ARHGAP29: variants seen among roughly 807,000 people sequenced by gnomAD.
ARHGAP29 encodes rho GTPase-activating protein 29.
Under a neutral mutation model 122.6 loss-of-function variants are expected in ARHGAP29, and 43 were observed. That is an observed-to-expected ratio of 0.35 (90% CI 0.27 to 0.45). The LOEUF (loss-of-function observed/expected upper bound fraction) is 0.45, where lower values mean the gene tolerates loss of function less well. Among genes scored for constraint, ARHGAP29 ranks in the 20% least tolerant of loss-of-function variants. The pLI, the probability that ARHGAP29 is intolerant of heterozygous loss-of-function variation, is 1.00. For synonymous variants in ARHGAP29, 506 were observed against 497.1 expected (o/e 1.02, Z -0.24); for missense variants, 1,303 against 1,477.2 (o/e 0.88, Z 1.93).
chr1:94,296,496 A>G, the ARHGAP29 span, among the ~76,000 whole-genome samples: 3 of 152,230 alleles, frequency 2.0e-5, no homozygotes, highest in Non-Finnish European at 4.4e-5. Flanking sequence ...CATAGTATAT[A>G]TAGGGTTTAA....
the ARHGAP29 span, among the ~76,000 whole-genome samples, chr1:94,287,965 GTGTACA>G: frequency 6.6e-6 from 1 of 152,150 alleles, no homozygotes; most frequent in East Asian, 1.9e-4. Flanking sequence ...ATAAACATGC[GTGTACA>G]TGTGCCTTTA....
chr1:94,200,681 C>T (rs1418267022), intron 12 of ARHGAP29, among the ~76,000 whole-genome samples: 1 of 152,174 alleles, frequency 6.6e-6, no homozygotes, highest in Non-Finnish European at 1.5e-5. Context: ...GTAGTACAGT[C>T]ATACAATGGA....
the ARHGAP29 span, among the ~76,000 whole-genome samples, chr1:94,304,132 C>A: frequency 2.0e-5 from 3 of 152,262 alleles, no homozygotes; most frequent in East Asian, 5.8e-4. Flanking sequence ...TGAAACTCTA[C>A]CCACCTTTTT....
At chr1:94,241,654 C>G (rs1349571823), upstream of ARHGAP29, among the ~76,000 whole-genome samples, 1 of 127,560 alleles carries the variant, frequency 7.8e-6, no homozygotes, top group East Asian at 2.2e-4. Flanking sequence ...ATATATATAT[C>G]TTATATATAT....
rs554535161 is a variant in ARHGAP29, at chr1:94,201,589, C to A, written c.1281+131G>T. The A allele has an allele frequency of 1.5e-4, 138 of 930,970 alleles. 2 individuals carry two copies. In the South Asian group the frequency reaches 2.0e-3, roughly 13 times the overall value. 57.7% of individuals were successfully genotyped at this position (930,970 alleles called of 1,614,324 possible). On this transcript the variant is annotated intron_variant, in intron 12 of 22. Coordinates refer to ENST00000260526, the MANE Select transcript of ARHGAP29 (RefSeq NM_004815.4). ...TAATCATAATCGAAGCTCACTATAA[C>A]CTCAAACTTTTGGGCTCAAGTGATC... is the stretch of plus-strand genomic sequence containing the variant.
intron 1 of ARHGAP29, among the ~76,000 whole-genome samples, chr1:94,251,549 C>T (rs1654094496): frequency 6.6e-6 from 1 of 152,196 alleles, no homozygotes; most frequent in Non-Finnish European, 1.5e-5. Context: ...TTTGACCATA[C>T]TTCTCTTAGA....
At chr1:94,233,385 C>T (rs1328746142) in intron 1 of ARHGAP29, among the ~76,000 whole-genome samples, 1 of 130,740 alleles carries the variant, frequency 7.6e-6, no homozygotes, top group Non-Finnish European at 1.6e-5. Context: ...CTCTAATCAA[C>T]CCACTTCTCT....
chr1:94,206,917 A>T (rs898296325), intron 5 of ARHGAP29, among the ~76,000 whole-genome samples: 1 of 149,642 alleles, frequency 6.7e-6, no homozygotes, highest in Non-Finnish European at 1.5e-5. Flanking sequence ...TATATTTAAT[A>T]TTATATATGT....
At chr1:94,190,208 A>C in intron 12 of ARHGAP29, 125 bp from the exon 13 acceptor site, 1 of 948,432 alleles carries the variant, frequency 1.1e-6, no homozygotes, top group Non-Finnish European at 1.5e-6. Context: ...ACTGAATATC[A>C]CTCTGAACAT....
chr1:94,176,012 T>A (rs769994013), intron 22 of ARHGAP29, among the ~76,000 whole-genome samples: 2 of 152,074 alleles, frequency 1.3e-5, no homozygotes, highest in Non-Finnish European at 2.9e-5. Flanking sequence ...CCAAGGCTCT[T>A]TTGATTTGCT....
At chr1:94,250,229 C>T (rs977010598) in intron 1 of ARHGAP29, 1 of 152,182 alleles carries the variant, frequency 6.6e-6, no homozygotes, top group Non-Finnish European at 1.5e-5. Flanking sequence ...TGCCACACTT[C>T]AACAGCAGTC....
At chr1:94,244,299 A>T (rs1653712147) in intron 1 of ARHGAP29, among the ~76,000 whole-genome samples, 1 of 151,922 alleles carries the variant, frequency 6.6e-6, no homozygotes, top group African/African-American at 2.4e-5. Context: ...AATATATAAA[A>T]AGGATAATAC....
the ARHGAP29 span, among the ~76,000 whole-genome samples, chr1:94,304,453 T>C: frequency 6.6e-6 from 1 of 152,204 alleles, no homozygotes; most frequent in African/African-American, 2.4e-5. Context: ...ACCCATCTTT[T>C]GATGCTCAAC....
chr1:94,205,344 CAG>C, intron 6 of ARHGAP29, 146 bp from the exon 7 acceptor site: 1 of 662,084 alleles, frequency 1.5e-6, no homozygotes, highest in Non-Finnish European at 2.4e-6. Context: ...ATTAAAAGGC[CAG>C]AGTTTAAACT....
chr1:94,218,724 C>G (rs1048383461), intron 3 of ARHGAP29, among the ~76,000 whole-genome samples: 2 of 152,178 alleles, frequency 1.3e-5, no homozygotes, highest in Non-Finnish European at 2.9e-5. Flanking sequence ...AAATCATCTA[C>G]ATTTTTTTCA....
upstream of ARHGAP29, among the ~76,000 whole-genome samples, chr1:94,242,101 T>C (rs1653610076): frequency 6.6e-6 from 1 of 152,118 alleles, no homozygotes; most frequent in Non-Finnish European, 1.5e-5. Flanking sequence ...TTCTTAATTA[T>C]CTTGCTGAAC....
rs139069200 is a variant in ARHGAP29 at position 94,245,504 on chromosome 1, A to G, written c.-32-13861T>C. Among the ~76,000 whole-genome samples the G allele has an allele frequency of 1.1e-3, 172 of 152,350 alleles. 1 individual carries two copies. The East Asian group carries it at 0.033, about 29-fold the overall frequency. On this transcript the variant is annotated intron_variant and NMD_transcript_variant, in intron 1 of 25. Coordinates refer to the ARHGAP29 transcript ENST00000552844. Reference sequence around the variant, plus strand: ...ATATCTTTGGTATGATTCCATTTACATAAAATTCTAGAGAATATGAACCTA... The same window carrying G: ...ATATCTTTGGTATGATTCCATTTACGTAAAATTCTAGAGAATATGAACCTA...
At chr1:94,207,797 A>G (rs1303417815) in intron 5 of ARHGAP29, among the ~76,000 whole-genome samples, 3 of 152,048 alleles carry the variant, frequency 2.0e-5, no homozygotes, top group Non-Finnish European at 2.9e-5. Context: ...GGTTTTTATA[A>G]TAATATAAGT....
At position 94,237,435 on chromosome 1, in the gene ARHGAP29, G is replaced by A. The variant is rs978118269; in HGVS notation, c.-53C>T. Reference sequence around the variant, plus strand: ...CTCACCACGGCGCTCCATCTCGCGTGCCGGACGCGGACGCCCGCCCCACAC... The same window carrying A: ...CTCACCACGGCGCTCCATCTCGCGTACCGGACGCGGACGCCCGCCCCACAC... On this transcript the variant is annotated 5_prime_UTR_variant, in exon 1 of 23. Coordinates refer to ENST00000260526, the MANE Select transcript of ARHGAP29 (RefSeq NM_004815.4). 5.1e-6 allele frequency: 5 copies of A among 986,778 alleles called. No homozygotes were observed. In the East Asian group the frequency reaches 4.5e-4, roughly 89 times the overall value. The allele number at this position is 986,778 out of a possible 1,614,324, so 61.1% of individuals were successfully genotyped here.
Sources: allele counts gnomAD v4.1 joint callset (sites outside exome capture counted in the v4.1 genomes callset), GRCh38; gene constraint gnomAD v4.1.1; transcripts MANE v1.5; gene names NCBI Gene and HGNC (gene_info 2026-07-23, HGNC 2026-07-21).